POLR3B: variants seen among roughly 807,000 people sequenced by gnomAD.
POLR3B encodes the protein RNA polymerase III subunit B, also known as DNA-directed RNA polymerase III subunit RPC2.
In POLR3B, 96 loss-of-function variants were observed where a neutral mutation model predicts 147.4. That is an observed-to-expected ratio of 0.65 (90% confidence interval 0.55 to 0.77). The LOEUF is 0.77. Among genes scored for constraint, POLR3B ranks in the 30% least tolerant of loss-of-function variants. The pLI, the probability that POLR3B is intolerant of heterozygous loss-of-function variation, is 0.00. For missense variants in POLR3B, 1,036 were observed against 1,413.5 expected, an observed-to-expected ratio of 0.73 and a Z score of 4.28; for synonymous variants, 461 against 485.9, an observed-to-expected ratio of 0.95 and a Z score of 0.67.
At chr12:106,399,482 C>T (rs893352412) in intron 10 of POLR3B, among the ~76,000 whole-genome samples, 3 of 152,098 alleles carry the variant, frequency 2.0e-5, no homozygotes, top group African/African-American at 7.2e-5. Flanking sequence ...GAGAATGCCA[C>T]AAAGATACTC....
intron 10 of POLR3B, among the ~76,000 whole-genome samples, chr12:106,396,959 T>C (rs892377760): frequency 4.0e-5 from 6 of 151,638 alleles, no homozygotes; most frequent in Non-Finnish European, 5.9e-5. Flanking sequence ...TTGTTGTTGT[T>C]GTCGTTGTTT....
chr12:106,388,225 T>C (rs1036920432), intron 9 of POLR3B, among the ~76,000 whole-genome samples: 4 of 152,210 alleles, frequency 2.6e-5, no homozygotes, highest in Admixed American at 2.0e-4. Context: ...CCTGCACTTA[T>C]GATGGCATCT....
chr12:106,479,814 C>CTTTTCTTTTCTTTTCTTTTCTT (rs2038241083), intron 23 of POLR3B, among the ~76,000 whole-genome samples: 1 of 144,656 alleles, frequency 6.9e-6, no homozygotes, highest in Admixed American at 6.9e-5. Context: ...CTTTTCTTTT[C>CTTTTCTTTTCTTTTCTTTTCTT]TTTTCTTTTC....
At position 106,496,888 on chromosome 12, in the gene POLR3B, G is replaced by A; in HGVS notation, c.2954G>A (p.Gly985Glu). ...GTTCGCCATGGTTATAACTACTTGG[G>A]GAAAGACTATGTTACATCCGGCATC... ...DLVRHGYNYL[G>E]KDYVTSGITG... is the part of the protein sequence containing the mutation. Residue 985 changes from glycine (G) to glutamate (E), a missense_variant, in exon 25 of 28, where the codon GGG (glycine) becomes GAG (glutamate). Transcript: ENST00000228347. The A allele has an allele frequency of 6.2e-7, 1 of 1,613,986 alleles. No individual in the cohort carries two copies. The highest frequency in any genetic ancestry group is 1.1e-5 in the South Asian group (1 of 91,072).
intron 12 of POLR3B, among the ~76,000 whole-genome samples, chr12:106,417,221 G>C (rs1286186686): frequency 2.0e-5 from 3 of 152,194 alleles, no homozygotes; most frequent in African/African-American, 7.2e-5. Context: ...ATGCAGCCTT[G>C]CAAACTGCAT....
At chr12:106,465,544 C>T (rs546121706) in intron 23 of POLR3B, among the ~76,000 whole-genome samples, 66 of 152,174 alleles carry the variant, frequency 4.3e-4, no homozygotes, top group African/African-American at 1.4e-3. Flanking sequence ...ATACACGTGC[C>T]GTGGTGGTTT....
chr12:106,365,834 G>A (rs549446639), intron 2 of POLR3B, among the ~76,000 whole-genome samples: 1 of 151,396 alleles, frequency 6.6e-6, no homozygotes, highest in East Asian at 1.9e-4. Context: ...ACTCCAGCCT[G>A]GGCAATAGAG....
intron 9 of POLR3B, among the ~76,000 whole-genome samples, chr12:106,385,097 T>C (rs1048311305): frequency 2.0e-5 from 3 of 152,146 alleles, no homozygotes; most frequent in African/African-American, 7.2e-5. Flanking sequence ...GTGCTGGGAT[T>C]AGGTGTAAGC....
At chr12:106,464,726 G>C (rs2037983758) in intron 23 of POLR3B, among the ~76,000 whole-genome samples, 1 of 152,026 alleles carries the variant, frequency 6.6e-6, no homozygotes, top group African/African-American at 2.4e-5. Flanking sequence ...TAAATTACTA[G>C]TGTGATATCT....
chr12:106,404,099 T>G (rs1256615775), intron 10 of POLR3B, among the ~76,000 whole-genome samples: 21 of 151,384 alleles, frequency 1.4e-4, no homozygotes, highest in African/African-American at 1.9e-4. Flanking sequence ...TTTTGTTTTT[T>G]TTTTTTTTTG....
intron 10 of POLR3B, among the ~76,000 whole-genome samples, chr12:106,398,958 C>T (rs1268939245): frequency 6.6e-6 from 1 of 152,152 alleles, no homozygotes; most frequent in East Asian, 1.9e-4. Context: ...AGCTCCTCAC[C>T]AGCAACAGAA....
chr12:106,486,015 C>T (rs1054778123), intron 23 of POLR3B, among the ~76,000 whole-genome samples: 2 of 151,958 alleles, frequency 1.3e-5, no homozygotes, highest in African/African-American at 2.4e-5. Flanking sequence ...ATTGGCCAGG[C>T]GCGGTGGCTC....
intron 10 of POLR3B, among the ~76,000 whole-genome samples, chr12:106,396,786 CT>C (rs11370235): frequency 3.9e-4 from 57 of 147,746 alleles, no homozygotes; most frequent in South Asian, 4.3e-4. Flanking sequence ...AGCTGAAAGT[CT>C]TTTTTTTTTT....
chr12:106,386,487 C>T (rs2036840046), intron 9 of POLR3B, among the ~76,000 whole-genome samples: 1 of 151,904 alleles, frequency 6.6e-6, no homozygotes, highest in African/African-American at 2.4e-5. Flanking sequence ...TTCTTTCTAC[C>T]AGAAATTATA....
intron 12 of POLR3B, among the ~76,000 whole-genome samples, chr12:106,415,390 T>C (rs2037287829): frequency 6.6e-6 from 1 of 152,316 alleles, no homozygotes; most frequent in Admixed American, 6.5e-5. Context: ...TTGGTGACAA[T>C]TCTACTTATG....
intron 10 of POLR3B, among the ~76,000 whole-genome samples, chr12:106,405,590 T>C (rs1010423261): frequency 8.0e-6 from 1 of 125,762 alleles, no homozygotes; most frequent in Non-Finnish European, 1.8e-5. Context: ...AAATATATTT[T>C]ACTTGTGTCT....
chr12:106,493,896 A>G (rs1371550752), intron 23 of POLR3B, among the ~76,000 whole-genome samples: 2 of 152,224 alleles, frequency 1.3e-5, no homozygotes, highest in Non-Finnish European at 2.9e-5. Context: ...AAGGGTTTTC[A>G]GGGCCTGAAG....
In POLR3B at chr12:106,418,586, T is replaced by C. The variant is rs144621735; in HGVS notation, c.1101+7626T>C. 2.3e-3 allele frequency among the ~76,000 whole-genome samples: 347 copies of C among 152,356 alleles called. 4 individuals carry two copies. The highest frequency in any genetic ancestry group is 3.4e-3 in the Middle Eastern group (1 of 294). On this transcript the variant is annotated intron_variant, in intron 12 of 27. Coordinates refer to ENST00000228347, the MANE Select transcript of POLR3B (RefSeq NM_018082.6). ...GTATTTCAGCAGCTTAACTTCTTTA[T>C]TAATTTTTTTAGCATTTTCATTGAA...
chr12:106,383,233 C>T (rs1295014965), intron 9 of POLR3B, among the ~76,000 whole-genome samples: 1 of 152,168 alleles, frequency 6.6e-6, no homozygotes, highest in African/African-American at 2.4e-5. Context: ...GTTTGCTCTT[C>T]TATCCAGACC....
Sources: allele counts gnomAD v4.1 joint callset (sites outside exome capture counted in the v4.1 genomes callset), GRCh38; gene constraint gnomAD v4.1.1; transcripts MANE v1.5; gene names NCBI Gene and HGNC (gene_info 2026-07-23, HGNC 2026-07-21).